CD274: variants seen among roughly 807,000 people sequenced by gnomAD.
CD274 encodes the protein CD274 molecule, also known as programmed cell death 1 ligand 1.
Under a neutral mutation model 30.1 loss-of-function variants are expected in CD274, and 8 were observed. The ratio of observed to expected loss-of-function variants is 0.27; its 90% CI spans 0.16 to 0.48. The LOEUF (loss-of-function observed/expected upper bound fraction) is 0.48, where lower values mean the gene tolerates loss of function less well. Ranked by LOEUF, CD274 falls within the 20% of genes least tolerant of loss-of-function variation. The pLI is 0.99. For missense variants in CD274, 353 were observed against 346.6 expected, an observed-to-expected ratio of 1.02 and a Z score of -0.15; for synonymous variants, 152 against 124.6, an observed-to-expected ratio of 1.22 and a Z score of -1.46.
chr9:5,467,958 C>T lies in CD274; in HGVS notation c.*96C>T, dbSNP rs1003581089. On this transcript the variant is annotated 3_prime_UTR_variant, in exon 7 of 7. Coordinates refer to ENST00000381577, the MANE Select transcript of CD274 (RefSeq NM_014143.4). The stretch of plus-strand genomic sequence containing the variant: ...GCGTGACAAGAGGAAGGAATGGGCC[C>T]GTGGGATGCAGGCAATGTGGGACTT... 8.8e-6 allele frequency: 9 copies of T among 1,027,054 alleles called. No homozygotes were observed. Among genetic ancestry groups the T allele is most frequent in the Admixed American group, 5.3e-5 (3 of 56,418 alleles). 63.6% of individuals were successfully genotyped at this position (1,027,054 alleles called of 1,614,324 possible). A position where few individuals can be genotyped will look rare whatever the true frequency, so the allele number is the denominator to read the frequency against.
intron 3 of CD274, among the ~76,000 whole-genome samples, chr9:5,461,371 G>A (rs1214181151): frequency 5.9e-5 from 9 of 152,104 alleles, no homozygotes; most frequent in East Asian, 1.9e-4. Flanking sequence ...TTGAAAATCC[G>A]TAGCTACCCC....
chr9:5,464,234 G>T (rs1330743130), intron 4 of CD274, among the ~76,000 whole-genome samples: 1 of 152,114 alleles, frequency 6.6e-6, no homozygotes, highest in Admixed American at 6.5e-5. Context: ...TTTACAAGCT[G>T]TTTTATGACA....
At chr9:5,459,313 T>G (rs76778936) in intron 3 of CD274, among the ~76,000 whole-genome samples, 4,191 of 152,282 alleles carry the variant, frequency 0.028, 88 homozygotes, top group Non-Finnish European at 0.045. Context: ...TACAGTGGTT[T>G]TGGGATTGAG....
At chr9:5,456,202 T>A in intron 2 of CD274, 37 bp downstream of exon 2, 1 of 1,361,736 alleles carries the variant, frequency 7.3e-7, no homozygotes, top group Non-Finnish European at 1.0e-6. Flanking sequence ...TTCTATATTT[T>A]AAATATTTTA....
intron 5 of CD274, 199 bp downstream of exon 5, chr9:5,465,805 A>G (rs1263476734): frequency 2.3e-5 from 10 of 440,414 alleles, no homozygotes; most frequent in African/African-American, 4.0e-5. Flanking sequence ...GAGAATGGGT[A>G]TGGATGGAGG....
intron 5 of CD274, 194 bp downstream of exon 5, chr9:5,465,800 TG>T (rs1394393338): frequency 5.2e-5 from 23 of 444,996 alleles, no homozygotes; most frequent in Non-Finnish European, 8.1e-5. Context: ...GGCAGGAGAA[TG>T]GGTATGGATG....
At chr9:5,459,804 G>T (rs931735661) in intron 3 of CD274, among the ~76,000 whole-genome samples, 1 of 152,088 alleles carries the variant, frequency 6.6e-6, no homozygotes, top group African/African-American at 2.4e-5. Flanking sequence ...ATGAGATTAG[G>T]CAGCTGAAAG....
Position 5,467,967 on chromosome 9 carries a change from C to A in CD274, c.*105C>A. The A allele has an allele frequency of 1.0e-6, 1 of 963,846 alleles. No individual in the cohort carries two copies. The highest frequency in any genetic ancestry group is 1.7e-6 in the Non-Finnish European group (1 of 594,928). The allele number at this position is 963,846 out of a possible 1,614,324, so 59.7% of individuals were successfully genotyped here. On this transcript the variant is annotated 3_prime_UTR_variant, in exon 7 of 7. Transcript: ENST00000381577. ...GAGGAAGGAATGGGCCCGTGGGATG[C>A]AGGCAATGTGGGACTTAAAAGGCCC... is the stretch of plus-strand genomic sequence containing the variant.
rs1474753469 is a variant in CD274 at position 5,457,173 on chromosome 9, C to A, written c.147C>A (p.Asp49Glu). The change falls in exon 3 of 7, where the codon GAC (aspartate) becomes GAA (glutamate). Residue 49 changes from aspartate to glutamate, a missense_variant. Transcript: ENST00000381577. ...AATTCCCAGTAGAAAAACAATTAGA[C>A]CTGGCTGCACTAATTGTCTATTGGG... is the stretch of plus-strand genomic sequence containing the variant. ...ECKFPVEKQL[D>E]LAALIVYWEM... The A allele has an allele frequency of 1.2e-6, 2 of 1,613,172 alleles. No individual in the cohort carries two copies. Among genetic ancestry groups the A allele is most frequent in the African/African-American group, 1.3e-5 (1 of 74,878 alleles).
At chr9:5,456,561 T>C (rs1178963522) in intron 2 of CD274, among the ~76,000 whole-genome samples, 2 of 152,202 alleles carry the variant, frequency 1.3e-5, no homozygotes, top group Admixed American at 1.3e-4. Context: ...TAAGGAAGAA[T>C]TGTAAGATAC....
intron 2 of CD274, among the ~76,000 whole-genome samples, chr9:5,456,625 A>C (rs1013699606): frequency 6.6e-6 from 1 of 152,164 alleles, no homozygotes; most frequent in African/African-American, 2.4e-5. Flanking sequence ...TCTTTCCTGA[A>C]CTCCATACCA....
At chr9:5,451,662 G>C (rs2131202233) in intron 1 of CD274, among the ~76,000 whole-genome samples, 1 of 152,278 alleles carries the variant, frequency 6.6e-6, no homozygotes, top group African/African-American at 2.4e-5. Context: ...GTTAGAGTGT[G>C]GTCTTCAAGG....
At chr9:5,453,202 G>T (rs1198949138) in intron 1 of CD274, among the ~76,000 whole-genome samples, 3 of 151,994 alleles carry the variant, frequency 2.0e-5, no homozygotes, top group African/African-American at 7.3e-5. Flanking sequence ...CCTAACACTG[G>T]CAAGAGGATG....
At chr9:5,452,095 A>G (rs1007595923) in intron 1 of CD274, among the ~76,000 whole-genome samples, 11 of 141,932 alleles carry the variant, frequency 7.8e-5, no homozygotes, top group African/African-American at 2.7e-4. Context: ...GTGCAATCTC[A>G]GCTCACTGCC....
Position 5,462,987 on chromosome 9 carries a change from A to C in CD274, c.548A>C (p.Asn183Thr), listed in dbSNP as rs769718308. The change falls in exon 4 of 7, where the codon AAT becomes ACT. Residue 183 changes from asparagine (N) to threonine (T), a missense_variant. Asn to Thr is a moderately conservative substitution (Grantham distance 65, BLOSUM62 0). Transcript: ENST00000381577. ...QVLSGKTTTT[N>T]SKREEKLFNV... ...CTGAGTGGTAAGACCACCACCACCA[A>C]TTCCAAGAGAGAGGAGAAGCTTTTC... 3.7e-5 allele frequency: 59 copies of C among 1,613,982 alleles called. No individual in the cohort carries two copies. The highest frequency in any genetic ancestry group is 4.8e-5 in the Non-Finnish European group (57 of 1,179,958).
intron 2 of CD274, among the ~76,000 whole-genome samples, chr9:5,456,501 T>C (rs1651872186): frequency 6.6e-6 from 1 of 152,250 alleles, no homozygotes; most frequent in Non-Finnish European, 1.5e-5. Context: ...GATCCTTTGA[T>C]CTTTCAGTCT....
chr9:5,462,131 A>C (rs1244999107), intron 3 of CD274, among the ~76,000 whole-genome samples: 1 of 152,196 alleles, frequency 6.6e-6, no homozygotes, highest in Non-Finnish European at 1.5e-5. Context: ...AATAAAGAAC[A>C]AATTTAAACA....
At chr9:5,462,080 A>T (rs181994571) in intron 3 of CD274, among the ~76,000 whole-genome samples, 23 of 152,346 alleles carry the variant, frequency 1.5e-4, no homozygotes, top group African/African-American at 5.3e-4. Context: ...CAGTAACTCT[A>T]TACTATCTTT....
At position 5,458,738 on chromosome 9, in the gene CD274, C is replaced by A. The variant is rs916155771; in HGVS notation, c.394+1318C>A. On this transcript the variant is annotated intron_variant, in intron 3 of 6. Coordinates refer to ENST00000381577, the MANE Select transcript of CD274 (RefSeq NM_014143.4). ...TAATGCCACTATTGTCAAGAAGATACCACTTGTAAAGTAGATTTAATTTTC... is the reference window on the plus strand; with the variant it reads ...TAATGCCACTATTGTCAAGAAGATAACACTTGTAAAGTAGATTTAATTTTC... Among the ~76,000 whole-genome samples, 5 of 152,278 alleles carry A rather than the reference C, an allele frequency of 3.3e-5. No individual in the cohort carries two copies. The Middle Eastern group carries it at 0.01, about 311-fold the overall frequency.
Sources: allele counts gnomAD v4.1 joint callset (sites outside exome capture counted in the v4.1 genomes callset), GRCh38; gene constraint gnomAD v4.1.1; transcripts MANE v1.5; gene names NCBI Gene and HGNC (gene_info 2026-07-23, HGNC 2026-07-21).